PTCD1: variants seen among roughly 807,000 people sequenced by gnomAD.
The protein encoded by PTCD1 is pentatricopeptide repeat-containing protein 1, mitochondrial.
A neutral mutation model predicts 53.4 loss-of-function variants in PTCD1; 50 were observed. That is an observed-to-expected ratio of 0.94 (90% CI 0.75 to 1.19). The LOEUF is 1.19. Ranked by LOEUF, PTCD1 falls within the 50% of genes most tolerant of loss-of-function variation. PTCD1 has a pLI of 0.00. For synonymous variants in PTCD1, 413 were observed against 394.8 expected, an observed-to-expected ratio of 1.05 and a Z score of -0.55; for missense variants, 918 against 904.8, an observed-to-expected ratio of 1.01 and a Z score of -0.19.
intron 5 of PTCD1, 101 bp from the exon 6 acceptor site, chr7:99,425,717 G>A: frequency 6.9e-7 from 1 of 1,445,438 alleles, no homozygotes; most frequent in East Asian, 2.5e-5. Flanking sequence ...TTAGATGGGA[G>A]GATCCCTTGA....
At chr7:99,438,528 C>T (rs949043175) in intron 1 of PTCD1, 164 bp downstream of exon 1, 1 of 1,125,450 alleles carries the variant, frequency 8.9e-7, no homozygotes, top group Non-Finnish European at 1.1e-6. Context: ...GAGGCCCACC[C>T]GGACCCTCAG....
chr7:99,426,523 G>A (rs527819336), intron 5 of PTCD1, among the ~76,000 whole-genome samples: 23 of 152,130 alleles, frequency 1.5e-4, no homozygotes, highest in Admixed American at 5.2e-4. Flanking sequence ...GTGCAGTGGC[G>A]TGATCTCGGC....
chr7:99,438,774 C>G lies in PTCD1; in HGVS notation c.-109G>C. 5.9e-6 allele frequency: 8 copies of G among 1,365,694 alleles called. No individual in the cohort carries two copies. Among genetic ancestry groups the G allele is most frequent in the Non-Finnish European group, 7.7e-6 (8 of 1,039,624 alleles). 84.6% of individuals were successfully genotyped at this position (1,365,694 alleles called of 1,614,324 possible). A position where few individuals can be genotyped will look rare whatever the true frequency, so the allele number is the denominator to read the frequency against. On this transcript the variant is annotated 5_prime_UTR_variant, in exon 1 of 8. Coordinates refer to ENST00000292478, the MANE Select transcript of PTCD1 (RefSeq NM_015545.4). ...ACCAGTCTCTTCCTCGGGTCCCCCT[C>G]TCCCCAAGCGCGCAGGCGCAATCCG...
intron 5 of PTCD1, among the ~76,000 whole-genome samples, chr7:99,428,463 G>A (rs984021309): frequency 1.1e-4 from 17 of 151,628 alleles, no homozygotes; most frequent in East Asian, 9.7e-4. Context: ...GCTCTCCAGC[G>A]GGGAGCTGTG....
At chr7:99,433,185 C>T (rs560353712) in intron 3 of PTCD1, 93 bp downstream of exon 3, 1 of 1,596,822 alleles carries the variant, frequency 6.3e-7, no homozygotes. Flanking sequence ...GGTGAAGTCA[C>T]CTGCCCAGTG....
In PTCD1 at chr7:99,419,322, C is replaced by A; in HGVS notation, c.*645G>T. On this transcript the variant is annotated 3_prime_UTR_variant, in exon 8 of 8. Coordinates refer to ENST00000292478, the MANE Select transcript of PTCD1 (RefSeq NM_015545.4). ...TGGCAGGTCCTTCGTGGGAGGGTTG[C>A]CACATATGTGAGTGTGCAGGGGCGA... 6.3e-7 allele frequency: 1 copy of A among 1,575,882 alleles called. No homozygotes were observed. Among genetic ancestry groups the A allele is most frequent in the South Asian group, 1.1e-5 (1 of 90,342 alleles).
rs1796405947 is a variant in PTCD1, at chr7:99,435,019, G to A, written c.224C>T (p.Ser75Phe). Residue 75 changes from serine to phenylalanine, a missense_variant, in exon 2 of 8, where the codon TCC (serine) becomes TTC (phenylalanine). Physicochemically the swap from Ser to Phe is radical, Grantham distance 155 (BLOSUM62 -2). Coordinates refer to ENST00000292478, the MANE Select transcript of PTCD1 (RefSeq NM_015545.4). ...SLGSDPSHSN[S>F]TATQEEDEEE... ...CTCGTCTTCTTCCTGCGTGGCCGTG[G>A]AGTTGGAGTGGCTCGGGTCAGAGCC... 1 of 1,613,970 alleles carries A rather than the reference G, an allele frequency of 6.2e-7. No homozygotes were observed. Among genetic ancestry groups the A allele is most frequent in the South Asian group, 1.1e-5 (1 of 91,094 alleles).
At chr7:99,429,436 C>A in intron 4 of PTCD1, 152 bp downstream of exon 4, 1 of 1,249,118 alleles carries the variant, frequency 8.0e-7, no homozygotes, top group Non-Finnish European at 1.1e-6. Context: ...AGTAAGGTCT[C>A]ATCAGATCCA....
rs1796333300 is a variant in PTCD1 at position 99,433,267 on chromosome 7, C to T, written c.594+11G>A. 6.2e-7 allele frequency: 1 copy of T among 1,614,054 alleles called. No homozygotes were observed. Among genetic ancestry groups the T allele is most frequent in the South Asian group, 1.1e-5 (1 of 91,092 alleles). On this transcript the variant is annotated intron_variant, in intron 3 of 7. Transcript: ENST00000292478. ...AGAGCCTCACCCCGGCTGCCCTGCGCCCACATGCACCTGGTTGTAGAGGTT... is the reference window on the plus strand; with the variant it reads ...AGAGCCTCACCCCGGCTGCCCTGCGTCCACATGCACCTGGTTGTAGAGGTT...
At position 99,427,158 on chromosome 7, in the gene PTCD1, G is replaced by C. The variant is rs1373625821; in HGVS notation, c.916-1542C>G. 2.7e-5 allele frequency among the ~76,000 whole-genome samples: 4 copies of C among 147,188 alleles called. No homozygotes were observed. In the South Asian group the frequency reaches 8.6e-4, roughly 32 times the overall value. On this transcript the variant is annotated intron_variant, in intron 5 of 7. Coordinates refer to ENST00000292478, the MANE Select transcript of PTCD1 (RefSeq NM_015545.4). ...GGGTCAGCCCCCCACCCGGCCAGCC[G>C]CCCCGTCCGGGAGGGAGGTGGGGGT...
At position 99,417,848 on chromosome 7, in the gene PTCD1, T is replaced by C. The variant is rs1795592107; in HGVS notation, c.*2119A>G. On this transcript the variant is annotated 3_prime_UTR_variant, in exon 8 of 8. Transcript: ENST00000292478. Reference sequence around the variant, plus strand: ...AAATTACTGAACCCCTTTCCTCACTTAGGAAATGGTGGTGGGGAGCCCTAA... The same window carrying C: ...AAATTACTGAACCCCTTTCCTCACTCAGGAAATGGTGGTGGGGAGCCCTAA... 7.0e-7 allele frequency: 1 copy of C among 1,429,468 alleles called. No individual in the cohort carries two copies. Among genetic ancestry groups the C allele is most frequent in the African/African-American group, 1.4e-5 (1 of 70,368 alleles). 88.5% of individuals were successfully genotyped at this position (1,429,468 alleles called of 1,614,324 possible).
In PTCD1 at chr7:99,433,317, C is replaced by A; in HGVS notation, c.555G>T (p.Arg185=). Residue 185 remains arginine (R), a synonymous_variant, in exon 3 of 8, where the codon CGG becomes CGT. Coordinates refer to ENST00000292478, the MANE Select transcript of PTCD1 (RefSeq NM_015545.4). ...TGAAGGCCTTCTTCAGGTAGCCAAC[C>A]CGCCCGCAGCCCCCAATCAGCACCG... ...NYTVLIGGCG[R]VGYLKKAFNL... 3.1e-6 allele frequency: 5 copies of A among 1,614,192 alleles called. No individual in the cohort carries two copies. In the South Asian group the frequency reaches 5.5e-5, roughly 18 times the overall value.
chr7:99,426,347 G>A (rs1796025169), intron 5 of PTCD1, among the ~76,000 whole-genome samples: 1 of 152,150 alleles, frequency 6.6e-6, no homozygotes, highest in Non-Finnish European at 1.5e-5. Context: ...GCGCCACCAC[G>A]CCTGACTGGT....
chr7:99,436,296 C>A (rs1796463440), intron 1 of PTCD1, among the ~76,000 whole-genome samples: 1 of 152,068 alleles, frequency 6.6e-6, no homozygotes, highest in African/African-American at 2.4e-5. Flanking sequence ...AAAAGTCTTA[C>A]AAGTGATGGC....
intron 3 of PTCD1, among the ~76,000 whole-genome samples, chr7:99,430,744 CAAG>C (rs1796220657): frequency 1.3e-5 from 2 of 152,196 alleles, no homozygotes; most frequent in African/African-American, 4.8e-5. Flanking sequence ...AGCTTACACT[CAAG>C]AAGGGAGACA....
chr7:99,437,854 G>A lies in PTCD1; in HGVS notation c.-27+838C>T, dbSNP rs372466762. 1.3e-5 allele frequency among the ~76,000 whole-genome samples: 2 copies of A among 152,070 alleles called. 1 individual carries two copies. The highest frequency in any genetic ancestry group is 3.9e-4 in the East Asian group (2 of 5,176). On this transcript the variant is annotated intron_variant, in intron 1 of 7. Coordinates refer to ENST00000292478, the MANE Select transcript of PTCD1 (RefSeq NM_015545.4). The stretch of plus-strand genomic sequence containing the variant: ...CAATTTTTATATTTTCAGTAGGGAC[G>A]GGGTTTTGCCATCCTGTCCAGGCTG...
intron 7 of PTCD1, among the ~76,000 whole-genome samples, chr7:99,420,600 G>A (rs557895005): frequency 2.0e-5 from 3 of 152,340 alleles, no homozygotes; most frequent in African/African-American, 7.2e-5. Flanking sequence ...ACTGAGAGCT[G>A]GTAGGGGAAT....
At position 99,424,789 on chromosome 7, in the gene PTCD1, A is replaced by G; in HGVS notation, c.1737+6T>C. On this transcript the variant is annotated splice_donor_region_variant and intron_variant, in intron 6 of 7. Transcript: ENST00000292478. ...GGGTGTCCTGCCCAGGCCCGAGTCCACTCACCTTCATGTCTGTGAGAAGCT... is the reference window on the plus strand; with the variant it reads ...GGGTGTCCTGCCCAGGCCCGAGTCCGCTCACCTTCATGTCTGTGAGAAGCT... 1 of 1,613,850 alleles carries G rather than the reference A, an allele frequency of 6.2e-7. No homozygotes were observed. The highest frequency in any genetic ancestry group is 8.5e-7 in the Non-Finnish European group (1 of 1,179,942).
At chr7:99,426,877 G>A (rs1796049613) in intron 5 of PTCD1, among the ~76,000 whole-genome samples, 1 of 150,990 alleles carries the variant, frequency 6.6e-6, no homozygotes, top group African/African-American at 2.4e-5. Context: ...GACCCCGTCT[G>A]GGAGGTGAGG....
Sources: allele counts gnomAD v4.1 joint callset (sites outside exome capture counted in the v4.1 genomes callset), GRCh38; gene constraint gnomAD v4.1.1; transcripts MANE v1.5; gene names NCBI Gene and HGNC (gene_info 2026-07-23, HGNC 2026-07-21).